The following MUCL1 variants were observed in gnomAD, a reference collection of about 807,000 sequenced individuals.
MUCL1 encodes mucin-like protein 1.
A neutral mutation model predicts 9.2 loss-of-function variants in MUCL1; 11 were observed. The ratio of observed to expected loss-of-function variants is 1.19; its 90% CI spans 0.75 to 1.97. The LOEUF is 1.97. Ranked by LOEUF, MUCL1 falls within the 30% of genes most tolerant of loss-of-function variation. The probability of loss-of-function intolerance (pLI) is 0.00; values close to 1 mark genes in which losing one functional copy is unlikely to be tolerated. For missense variants in MUCL1, 144 were observed against 110.9 expected (o/e 1.30, Z -1.34); for synonymous variants, 48 against 40.5 (o/e 1.19, Z -0.71).
rs547275307 is a variant in MUCL1, at chr12:54,855,948, G to T, written c.100+791G>T. 2.0e-5 allele frequency among the ~76,000 whole-genome samples: 3 copies of T among 152,338 alleles called. No homozygotes were observed. In the East Asian group the frequency reaches 5.8e-4, roughly 29 times the overall value. Reference sequence around the variant, plus strand: ...AAGCCTGAGACAGCATGGATAGAGTGTGGGTTTGGAGGTGGAGCTACTTAT... The same window carrying T: ...AAGCCTGAGACAGCATGGATAGAGTTTGGGTTTGGAGGTGGAGCTACTTAT... On this transcript the variant is annotated intron_variant, in intron 2 of 3. Transcript: ENST00000308796.
At chr12:54,835,298 T>C (rs1230661061), upstream of MUCL1, among the ~76,000 whole-genome samples, 2 of 152,166 alleles carry the variant, frequency 1.3e-5, no homozygotes, top group African/African-American at 4.8e-5. Context: ...GATCAAACAG[T>C]AGATCTACTT....
intron 1 of MUCL1, among the ~76,000 whole-genome samples, chr12:54,840,049 G>A (rs763411952): frequency 1.4e-4 from 21 of 152,172 alleles, no homozygotes; most frequent in Non-Finnish European, 2.5e-4. Context: ...GGAAGTAAGA[G>A]TCCCTGAGGG....
At position 54,858,186 on chromosome 12, in the gene MUCL1, C is replaced by G; in HGVS notation, c.224-7C>G. On this transcript the variant is annotated splice_polypyrimidine_tract_variant and splice_region_variant and intron_variant, in intron 3 of 3. Coordinates refer to ENST00000308796, the MANE Select transcript of MUCL1 (RefSeq NM_058173.3). ...AAGCCCCTTGACAATATTTTTTTCT[C>G]TTGCAGTTTTACCCAAATGGGTTGG... is the stretch of plus-strand genomic sequence containing the variant. 1 of 1,613,146 alleles carries G rather than the reference C, an allele frequency of 6.2e-7. No individual in the cohort carries two copies. Among genetic ancestry groups the G allele is most frequent in the Non-Finnish European group, 8.5e-7 (1 of 1,179,482 alleles).
chr12:54,854,277 A>T (rs1325521813), upstream of MUCL1, among the ~76,000 whole-genome samples: 1 of 152,216 alleles, frequency 6.6e-6, no homozygotes, highest in Non-Finnish European at 1.5e-5. Context: ...ATGTAAGAGG[A>T]TGCCTGGAAG....
chr12:54,852,651 T>C (rs1434804989), upstream of MUCL1, among the ~76,000 whole-genome samples: 1 of 152,190 alleles, frequency 6.6e-6, no homozygotes, highest in Non-Finnish European at 1.5e-5. Context: ...AAGCCAGTCA[T>C]TGTCTTAAGT....
At chr12:54,848,182 G>A (rs1959284148) in intron 1 of MUCL1, among the ~76,000 whole-genome samples, 1 of 152,058 alleles carries the variant, frequency 6.6e-6, no homozygotes, top group Non-Finnish European at 1.5e-5. Flanking sequence ...ATATGGTGAG[G>A]AGTGAGGAGT....
chr12:54,857,759 T>C (rs1868311776), intron 3 of MUCL1, among the ~76,000 whole-genome samples: 1 of 152,170 alleles, frequency 6.6e-6, no homozygotes, highest in Admixed American at 6.5e-5. Context: ...GGATTCAAAT[T>C]ACACCCATAC....
At chr12:54,858,060 A>G in intron 3 of MUCL1, 133 bp from the exon 4 acceptor site, 2 of 1,081,674 alleles carry the variant, frequency 1.8e-6, no homozygotes, top group South Asian at 2.9e-5. Context: ...CGTAATAACA[A>G]TCCCATGTTC....
At chr12:54,846,478 A>G in intron 1 of MUCL1, among the ~76,000 whole-genome samples, 1 of 152,114 alleles carries the variant, frequency 6.6e-6, no homozygotes, top group Admixed American at 6.5e-5. Context: ...GTTTCACTTC[A>G]TGGGAGAGTA....
At chr12:54,843,073 A>G (rs1180176637) in intron 1 of MUCL1, among the ~76,000 whole-genome samples, 3 of 152,186 alleles carry the variant, frequency 2.0e-5, no homozygotes, top group Non-Finnish European at 4.4e-5. Context: ...TTAGGTATGT[A>G]CTAGGTTATA....
chr12:54,834,706 A>T (rs1310046168), upstream of MUCL1, among the ~76,000 whole-genome samples: 1 of 151,998 alleles, frequency 6.6e-6, no homozygotes, highest in Admixed American at 6.6e-5. Context: ...GAATTTATTC[A>T]TCCTACATGA....
In MUCL1 at chr12:54,856,833, C is replaced by T. The variant is rs1267692037; in HGVS notation, c.164C>T (p.Thr55Ile). The T allele has an allele frequency of 6.2e-7, 1 of 1,612,938 alleles. No homozygotes were observed. Among genetic ancestry groups the T allele is most frequent in the East Asian group, 2.2e-5 (1 of 44,812 alleles). Residue 55 changes from threonine (T) to isoleucine (I), a missense_variant, in exon 3 of 4, where the codon ACT becomes ATT. Coordinates refer to ENST00000308796, the MANE Select transcript of MUCL1 (RefSeq NM_058173.3). ...ETTAAATTAT[T>I]AAPTTATTAA... ...ACTGCTGCTGCAACCACTGCAACCA[C>T]TGCTGCTCCTACCACTGCAACCACC... is the stretch of plus-strand genomic sequence containing the variant.
rs774319404 is a variant in MUCL1, at chr12:54,854,545, C to G, written c.-38C>G. 36 of 1,577,980 alleles carry G rather than the reference C, an allele frequency of 2.3e-5. No homozygotes were observed. Among genetic ancestry groups the G allele is most frequent in the Non-Finnish European group, 3.0e-5 (34 of 1,151,358 alleles). On this transcript the variant is annotated 5_prime_UTR_variant, in exon 1 of 4. Transcript: ENST00000308796. ...CCTTGCCTTCTCTTAGGCTTTGAAG[C>G]ATTTTTGTCTGTGCTCCCTGATCTT...
chr12:54,833,827 TGGGGGAG>T (rs1959188733), intron 1 of MUCL1, among the ~76,000 whole-genome samples: 2 of 27,028 alleles, frequency 7.4e-5, no homozygotes, highest in Non-Finnish European at 1.5e-4. Flanking sequence ...GTTGTGGGGT[TGGGGGAG>T]GGGGGAGGGA....
intron 1 of MUCL1, among the ~76,000 whole-genome samples, chr12:54,848,413 AC>A (rs556111760): frequency 6.9e-4 from 105 of 152,242 alleles, no homozygotes; most frequent in African/African-American, 2.1e-3. Context: ...TTATAAGATG[AC>A]CCAGCTGTGT....
chr12:54,855,809 G>C (rs10876638), intron 2 of MUCL1, among the ~76,000 whole-genome samples: 2 of 152,040 alleles, frequency 1.3e-5, no homozygotes, highest in African/African-American at 4.8e-5. Flanking sequence ...TTTATCCTTC[G>C]CATCTTGGGA....
Position 54,854,592 on chromosome 12 carries a change from T to A in MUCL1, c.10T>A (p.Leu4Ile), listed in dbSNP as rs781433917. Residue 4 changes from leucine (L) to isoleucine (I), a missense_variant, in exon 1 of 4, where the codon TTA becomes ATA. Transcript: ENST00000308796. ...TCTTCAGGTCACCACCATGAAGTTCTTAGCAGTCCTGGTACTCTTGGGAGT... is the reference window on the plus strand; with the variant it reads ...TCTTCAGGTCACCACCATGAAGTTCATAGCAGTCCTGGTACTCTTGGGAGT... MKFLAVLVLLGVSI... is the reference protein window; with the variant it reads MKFIAVLVLLGVSI... 6.2e-7 allele frequency: 1 copy of A among 1,613,456 alleles called. No individual in the cohort carries two copies. Among genetic ancestry groups the A allele is most frequent in the Non-Finnish European group, 8.5e-7 (1 of 1,179,570 alleles).
At chr12:54,857,231 AGTGTGTGTGTGTGTGT>A (rs34504933) in intron 3 of MUCL1, among the ~76,000 whole-genome samples, 14 of 142,452 alleles carry the variant, frequency 9.8e-5, no homozygotes, top group Admixed American at 6.4e-4. Context: ...TAAATCAGGT[AGTGTGTGTGTGTGTGT>A]GTGTGTGTGT....
upstream of MUCL1, among the ~76,000 whole-genome samples, chr12:54,836,019 C>A (rs1167392397): frequency 6.6e-6 from 1 of 152,132 alleles, no homozygotes; most frequent in Non-Finnish European, 1.5e-5. Flanking sequence ...CTGTGTTCAT[C>A]AGGAATATTG....
Sources: allele counts gnomAD v4.1 joint callset (sites outside exome capture counted in the v4.1 genomes callset), GRCh38; gene constraint gnomAD v4.1.1; transcripts MANE v1.5; gene names NCBI Gene and HGNC (gene_info 2026-07-23, HGNC 2026-07-21).